The following ZC3H4 variants were observed in gnomAD, a reference collection of about 807,000 sequenced individuals.
The protein encoded by ZC3H4 is zinc finger CCCH domain-containing protein 4.
A neutral mutation model predicts 108.3 loss-of-function variants in ZC3H4; 13 were observed. The observed-to-expected ratio is 0.12, with a 90% CI of 0.08 to 0.19. ZC3H4 has a LOEUF of 0.19. Ranked by LOEUF, ZC3H4 falls within the 10% of genes least tolerant of loss-of-function variation. The pLI is 1.00. For synonymous variants in ZC3H4, 917 were observed against 749.6 expected (o/e 1.22, Z -3.65); for missense variants, 1,734 against 1,838.8 (o/e 0.94, Z 1.04).
rs371999891 is a variant in ZC3H4 at position 47,112,435 on chromosome 19, G to A, written c.150C>T (p.Leu50=). The stretch of plus-strand genomic sequence containing the variant: ...ACCGGGGGCCTGACCTGTCGTCAGG[G>A]AGCGGGAGGCGGTGGTGGAGGAGGT... The part of the protein sequence containing the change: ...TPHLLHHRLP[L]PDDREDGELE... The change falls in exon 2 of 15, where the codon CTC becomes CTT. Residue 50 remains leucine (L), a synonymous_variant. Transcript: ENST00000253048. The A allele has an allele frequency of 2.3e-5, 29 of 1,236,320 alleles. No individual in the cohort carries two copies. The East Asian group carries it at 6.9e-4, about 30-fold the overall frequency. 76.6% of individuals were successfully genotyped at this position (1,236,320 alleles called of 1,614,324 possible). A position where few individuals can be genotyped will look rare whatever the true frequency, so the allele number is the denominator to read the frequency against.
chr19:47,081,900 G>C (rs561651220), intron 10 of ZC3H4, among the ~76,000 whole-genome samples: 2 of 152,246 alleles, frequency 1.3e-5, no homozygotes, highest in East Asian at 3.9e-4. Flanking sequence ...ACTCACCCAA[G>C]GTATAAAACC....
intron 4 of ZC3H4, among the ~76,000 whole-genome samples, chr19:47,093,134 C>T (rs765057584): frequency 6.8e-6 from 1 of 146,384 alleles, no homozygotes; most frequent in African/African-American, 2.5e-5. Context: ...AAGAATGGTG[C>T]GACCCCAGGA....
chr19:47,105,465 T>C (rs1168350917), intron 2 of ZC3H4, among the ~76,000 whole-genome samples: 1 of 152,134 alleles, frequency 6.6e-6, no homozygotes, highest in East Asian at 1.9e-4. Flanking sequence ...GCTGAGCATG[T>C]GGTGTGCGCC....
chr19:47,084,231 G>C (rs2057574466), intron 9 of ZC3H4, 114 bp downstream of exon 9: 2 of 965,558 alleles, frequency 2.1e-6, no homozygotes, highest in South Asian at 3.0e-5. Flanking sequence ...ACAAGGACAA[G>C]GACTACACAG....
chr19:47,071,395 G>A (rs1159381015), intron 13 of ZC3H4, among the ~76,000 whole-genome samples: 1 of 152,148 alleles, frequency 6.6e-6, no homozygotes, highest in Non-Finnish European at 1.5e-5. Context: ...GAGTCCTGGG[G>A]TGGACACTGG....
chr19:47,082,454 G>A (rs2057541982), intron 9 of ZC3H4, among the ~76,000 whole-genome samples, 159 bp from the exon 10 acceptor site: 1 of 152,146 alleles, frequency 6.6e-6, no homozygotes, highest in Non-Finnish European at 1.5e-5. Context: ...GGAAGGGCAG[G>A]TCCCAAAGGC....
chr19:47,076,480 C>CTCTG (rs2057422671), intron 11 of ZC3H4, among the ~76,000 whole-genome samples: 1 of 152,210 alleles, frequency 6.6e-6, no homozygotes, highest in Admixed American at 6.5e-5. Flanking sequence ...ATAAAGGACA[C>CTCTG]AGCAGAGTTT....
At chr19:47,093,129 TG>T (rs1774879883) in intron 4 of ZC3H4, among the ~76,000 whole-genome samples, 1 of 141,640 alleles carries the variant, frequency 7.1e-6, no homozygotes, top group Non-Finnish European at 1.5e-5. Flanking sequence ...AGCAGAAGAA[TG>T]GTGCGACCCC....
At chr19:47,108,324 T>C (rs146565124) in intron 2 of ZC3H4, among the ~76,000 whole-genome samples, 1 of 152,298 alleles carries the variant, frequency 6.6e-6, no homozygotes, top group African/African-American at 2.4e-5. Context: ...TTTGACTTGA[T>C]AGCTATCCAC....
At chr19:47,074,076 C>T (rs1168660797) in intron 11 of ZC3H4, among the ~76,000 whole-genome samples, 1 of 152,156 alleles carries the variant, frequency 6.6e-6, no homozygotes, top group Non-Finnish European at 1.5e-5. Context: ...AACCACCCAG[C>T]CTCGTTTCAG....
At position 47,112,516 on chromosome 19, in the gene ZC3H4, C is replaced by CGGCGGCGGCGAT. The variant is rs1404306292; in HGVS notation, c.57_68dup (p.Ser20_Pro23dup). The CGGCGGCGGCGAT allele has an allele frequency of 3.2e-5, 34 of 1,065,530 alleles. No individual in the cohort carries two copies. In the East Asian group the frequency reaches 4.2e-4, roughly 13 times the overall value. 66.0% of individuals were successfully genotyped at this position (1,065,530 alleles called of 1,614,324 possible). ...ACGGAGGAGGCGAAGGCGTTGATGG[C>CGGCGGCGGCGAT]GGCGGCGGCGATGGCGGCGGCGGCG... On this transcript the variant is annotated inframe_insertion, in exon 2 of 15. Coordinates refer to ENST00000253048, the MANE Select transcript of ZC3H4 (RefSeq NM_015168.2).
intron 9 of ZC3H4, 36 bp downstream of exon 9, chr19:47,084,309 G>A: frequency 6.3e-7 from 1 of 1,596,842 alleles, no homozygotes; most frequent in Non-Finnish European, 8.6e-7. Flanking sequence ...GGGGGCTATG[G>A]CCTCCTAGAG....
In ZC3H4 at chr19:47,087,929, T is replaced by C. The variant is rs577583135; in HGVS notation, c.716-1391A>G. On this transcript the variant is annotated intron_variant, in intron 5 of 14. Coordinates refer to ENST00000253048, the MANE Select transcript of ZC3H4 (RefSeq NM_015168.2). Reference sequence around the variant, plus strand: ...TGGCTCACGCCTGTAATCCCAACACTTTGGGAGGCTGAGGCGGGCGGATCA... The same window carrying C: ...TGGCTCACGCCTGTAATCCCAACACCTTGGGAGGCTGAGGCGGGCGGATCA... 3.4e-4 allele frequency among the ~76,000 whole-genome samples: 52 copies of C among 151,934 alleles called. 1 individual carries two copies. In the South Asian group the frequency reaches 0.011, roughly 31 times the overall value.
chr19:47,094,377 T>C lies in ZC3H4; in HGVS notation c.381+12A>G, dbSNP rs769930501. 6.2e-7 allele frequency: 1 copy of C among 1,613,688 alleles called. No homozygotes were observed. The highest frequency in any genetic ancestry group is 8.5e-7 in the Non-Finnish European group (1 of 1,179,988). On this transcript the variant is annotated intron_variant, in intron 3 of 14. Coordinates refer to ENST00000253048, the MANE Select transcript of ZC3H4 (RefSeq NM_015168.2). ...GCCAGGCAGTGGCAGTCCCAGGGGA[T>C]CTCCGACCTACTTTGTGCTTGGATT...
intron 11 of ZC3H4, among the ~76,000 whole-genome samples, chr19:47,075,286 G>A (rs1337027532): frequency 2.6e-5 from 4 of 152,172 alleles, no homozygotes; most frequent in Non-Finnish European, 5.9e-5. Flanking sequence ...TCTGCCCTTT[G>A]AGCGTGGGCA....
At chr19:47,085,287 C>A in intron 7 of ZC3H4, 31 bp downstream of exon 7, 1 of 1,574,468 alleles carries the variant, frequency 6.4e-7, no homozygotes, top group South Asian at 1.1e-5. Context: ...CCCTGCCCCA[C>A]CCAGCGTGTC....
At chr19:47,110,143 C>T (rs1451991896) in intron 2 of ZC3H4, among the ~76,000 whole-genome samples, 2 of 152,072 alleles carry the variant, frequency 1.3e-5, no homozygotes, top group Non-Finnish European at 1.5e-5. Flanking sequence ...TCAATTTTAA[C>T]GTCCATCACC....
At chr19:47,079,967 C>T (rs111246027) in intron 11 of ZC3H4, among the ~76,000 whole-genome samples, 2,813 of 152,246 alleles carry the variant, frequency 0.018, 96 homozygotes, top group African/African-American at 0.065. Context: ...GCCCTGCCAA[C>T]GAGGAATGGA....
intron 13 of ZC3H4, among the ~76,000 whole-genome samples, chr19:47,070,140 G>C (rs1438833899): frequency 6.6e-6 from 1 of 152,008 alleles, no homozygotes; most frequent in East Asian, 1.9e-4. Flanking sequence ...ACGGAGGGGG[G>C]GGCGTCTGGA....
Sources: gnomAD v4.1 joint callset for allele counts (sites outside exome capture counted in the v4.1 genomes callset) on GRCh38, gnomAD v4.1.1 for gene constraint, MANE v1.5 for transcripts, NCBI Gene and HGNC (gene_info 2026-07-23, HGNC 2026-07-21) for gene names.